IL16: variants seen among roughly 807,000 people sequenced by gnomAD.
IL16 encodes the protein pro-interleukin-16.
IL16 carries 67 observed loss-of-function variants against 110.1 expected under a neutral mutation model. The observed-to-expected ratio is 0.61, with a 90% CI of 0.50 to 0.75. The LOEUF (loss-of-function observed/expected upper bound fraction) is 0.75, where lower values mean the gene tolerates loss of function less well. Ranked by LOEUF, IL16 falls within the 30% of genes least tolerant of loss-of-function variation. The probability of loss-of-function intolerance (pLI) is 0.00; values close to 1 mark genes in which losing one functional copy is unlikely to be tolerated. For synonymous variants in IL16, 689 were observed against 662.9 expected (o/e 1.04, Z -0.61); for missense variants, 1,545 against 1,655.0 (o/e 0.93, Z 1.15).
upstream of IL16, among the ~76,000 whole-genome samples, chr15:81,196,726 G>T (rs1467676503): frequency 2.6e-5 from 4 of 152,340 alleles, no homozygotes; most frequent in East Asian, 7.7e-4. Flanking sequence ...TTGCCTCCTG[G>T]GTGTTGCCGG....
chr15:81,211,051 TTTTG>T (rs570068987), intron 1 of IL16, among the ~76,000 whole-genome samples: 1 of 151,882 alleles, frequency 6.6e-6, no homozygotes, highest in Non-Finnish European at 1.5e-5. Flanking sequence ...TTTTTGGGTT[TTTTG>T]TTTGTTTGTT....
chr15:81,246,346 CT>C (rs749374349), intron 2 of IL16, among the ~76,000 whole-genome samples: 7 of 152,208 alleles, frequency 4.6e-5, no homozygotes, highest in Non-Finnish European at 7.3e-5. Context: ...CTCCCCACCC[CT>C]AACCCCTGGC....
chr15:81,189,464 G>C (rs576846089), intron 1 of IL16, among the ~76,000 whole-genome samples: 1 of 152,226 alleles, frequency 6.6e-6, no homozygotes, highest in Non-Finnish European at 1.5e-5. Context: ...TGTAGGGACA[G>C]AGTCTTGCTG....
intron 1 of IL16, among the ~76,000 whole-genome samples, chr15:81,199,547 G>A (rs932992084): frequency 5.3e-5 from 8 of 152,134 alleles, no homozygotes; most frequent in South Asian, 4.1e-4. Context: ...GATCTCCATC[G>A]GTCTTGCCCC....
Position 81,256,682 on chromosome 15 carries a change from G to A in IL16, c.313-3090G>A, listed in dbSNP as rs181308200. ...AGGTGCTTAGTATTCGATGTATTGT[G>A]TACACATCATTTACTTATTTACGCT... On this transcript the variant is annotated intron_variant, in intron 2 of 18. Transcript: ENST00000683961. Among the ~76,000 whole-genome samples the A allele has an allele frequency of 4.3e-3, 658 of 152,190 alleles. 5 individuals are homozygous for A. Among genetic ancestry groups the A allele is most frequent in the African/African-American group, 0.015 (620 of 41,492 alleles).
intron 1 of IL16, among the ~76,000 whole-genome samples, chr15:81,188,603 C>T (rs1024887893): frequency 1.3e-5 from 2 of 152,140 alleles, no homozygotes; most frequent in Non-Finnish European, 1.5e-5. Flanking sequence ...CAATGCAAAC[C>T]CCTCCTGTGA....
intron 18 of IL16, 66 bp downstream of exon 18, chr15:81,306,611 G>C (rs1160209357): frequency 2.5e-6 from 4 of 1,592,666 alleles, no homozygotes; most frequent in Non-Finnish European, 3.4e-6. Context: ...CCCCCAAAAG[G>C]CTTCTGGGCA....
At chr15:81,276,052 G>C (rs1034028068) in intron 6 of IL16, among the ~76,000 whole-genome samples, 20 of 152,210 alleles carry the variant, frequency 1.3e-4, no homozygotes, top group African/African-American at 4.6e-4. Context: ...AGGTAATTAA[G>C]AATGGACATT....
At chr15:81,221,181 G>A (rs1896603745) in intron 1 of IL16, among the ~76,000 whole-genome samples, 1 of 152,048 alleles carries the variant, frequency 6.6e-6, no homozygotes, top group Non-Finnish European at 1.5e-5. Flanking sequence ...TTGGAGAGCA[G>A]TTTTCTAGGG....
In IL16 at chr15:81,299,808, T is replaced by A. The variant is rs773768423; in HGVS notation, c.2482T>A (p.Ser828Thr). The A allele has an allele frequency of 6.2e-7, 1 of 1,614,046 alleles. No homozygotes were observed. Among genetic ancestry groups the A allele is most frequent in the South Asian group, 1.1e-5 (1 of 91,082 alleles). Residue 828 changes from serine (S) to threonine (T), a missense_variant, in exon 14 of 19, where the codon TCA (serine) becomes ACA (threonine). Transcript: ENST00000683961. ...PAPASREHLG[S>T]HIRASSSSSS... is the part of the protein sequence containing the mutation. ...ACCTGCTTCCAGGGAGCACCTAGGA[T>A]CACACATCCGGGCCTCCTCCTCCTC...
At chr15:81,226,401 C>G (rs1896789069) in intron 2 of IL16, among the ~76,000 whole-genome samples, 2 of 152,208 alleles carry the variant, frequency 1.3e-5, no homozygotes, top group African/African-American at 4.8e-5. Context: ...ATTTTGCTAT[C>G]AAGTGCTGTG....
intron 6 of IL16, among the ~76,000 whole-genome samples, chr15:81,276,586 A>G (rs1323168503): frequency 6.6e-6 from 1 of 152,214 alleles, no homozygotes; most frequent in Non-Finnish European, 1.5e-5. Context: ...AACTTTACCC[A>G]TGGCTCCTCA....
At chr15:81,186,674 A>G (rs953095044) in intron 1 of IL16, among the ~76,000 whole-genome samples, 1 of 152,240 alleles carries the variant, frequency 6.6e-6, no homozygotes, top group Non-Finnish European at 1.5e-5. Flanking sequence ...AATATTTTCA[A>G]ACATATGGAA....
At chr15:81,192,108 C>G (rs1239166156), upstream of IL16, among the ~76,000 whole-genome samples, 1 of 152,120 alleles carries the variant, frequency 6.6e-6, no homozygotes, top group Non-Finnish European at 1.5e-5. Context: ...TGAACCATCA[C>G]GTAAGCCATG....
rs764957034 is a variant in IL16, at chr15:81,269,558, G to A, written c.585G>A (p.Arg195=). The change falls in exon 5 of 19, where the codon CGG becomes CGA. Residue 195 remains arginine, a synonymous_variant. Coordinates refer to ENST00000683961, the MANE Select transcript of IL16 (RefSeq NM_172217.5). ...GKAAGTSRPT[R]SLSTAQLVQP... is the part of the protein sequence containing the mutation. ...TGCAGGGAACTTCGAGACCAACACG[G>A]TCCCTGAGCACAGCTCAGCTCGTGC... 6.2e-7 allele frequency: 1 copy of A among 1,613,958 alleles called. No individual in the cohort carries two copies. Among genetic ancestry groups the A allele is most frequent in the South Asian group, 1.1e-5 (1 of 91,056 alleles).
rs747480717 is a variant in IL16 at position 81,299,438 on chromosome 15, T to C, written c.2112T>C (p.Tyr704=). 1.4e-5 allele frequency: 23 copies of C among 1,614,048 alleles called. No individual in the cohort carries two copies. The highest frequency in any genetic ancestry group is 1.7e-5 in the Non-Finnish European group (20 of 1,180,048). Residue 704 remains tyrosine, a synonymous_variant, in exon 14 of 19, where the codon TAT becomes TAC. Coordinates refer to ENST00000683961, the MANE Select transcript of IL16 (RefSeq NM_172217.5). ...TTAAGAGGCAGGCTCGGATGGACTA[T>C]AGCTTTGATACCACAGCCGAAGACC... ...PLLKRQARMD[Y]SFDTTAEDPW... is the part of the protein sequence containing the mutation.
chr15:81,267,491 C>CACACACACACACACACACAT (rs1555420234), intron 4 of IL16, among the ~76,000 whole-genome samples: 1 of 149,604 alleles, frequency 6.7e-6, no homozygotes, highest in African/African-American at 2.5e-5. Context: ...CACACACACA[C>CACACACACACACACACACAT]ACACACACAC....
In IL16 at chr15:81,306,559, C is replaced by A. The variant is rs1900573919; in HGVS notation, c.3805+14C>A. ...GGATTTTCAAAGGTGTGGGGTGTGT[C>A]TGGTTCTTTGCGTGCTCTCCAGTTG... On this transcript the variant is annotated intron_variant, in intron 18 of 18. Coordinates refer to ENST00000683961, the MANE Select transcript of IL16 (RefSeq NM_172217.5). 1 of 1,610,742 alleles carries A rather than the reference C, an allele frequency of 6.2e-7. No homozygotes were observed. Among genetic ancestry groups the A allele is most frequent in the Non-Finnish European group, 8.5e-7 (1 of 1,180,012 alleles).
At chr15:81,252,954 TG>T (rs1242113323) in intron 2 of IL16, among the ~76,000 whole-genome samples, 5 of 152,194 alleles carry the variant, frequency 3.3e-5, no homozygotes, top group Admixed American at 1.3e-4. Context: ...CAAGTTTTTG[TG>T]TGGTTTTATG....
Sources: allele counts gnomAD v4.1 joint callset (sites outside exome capture counted in the v4.1 genomes callset), GRCh38; gene constraint gnomAD v4.1.1; transcripts MANE v1.5; gene names NCBI Gene and HGNC (gene_info 2026-07-23, HGNC 2026-07-21).